UNC13C: variants seen among roughly 807,000 people sequenced by gnomAD.
UNC13C encodes the protein protein unc-13 homolog C.
UNC13C carries 174 observed loss-of-function variants against 245.4 expected under a neutral mutation model. The ratio of observed to expected loss-of-function variants is 0.71; its 90% CI spans 0.63 to 0.80. UNC13C has a LOEUF of 0.80. Among genes scored for constraint, UNC13C ranks in the 30% least tolerant of loss-of-function variants. The pLI is 0.00. For missense variants in UNC13C, 2,829 were observed against 2,602.9 expected, an observed-to-expected ratio of 1.09 and a Z score of -1.89; for synonymous variants, 992 against 895.1, an observed-to-expected ratio of 1.11 and a Z score of -1.93.
chr15:54,204,910 A>G (rs1284972382), intron 4 of UNC13C, among the ~76,000 whole-genome samples: 2 of 152,034 alleles, frequency 1.3e-5, no homozygotes, highest in Non-Finnish European at 2.9e-5. Context: ...GACCTACATC[A>G]TTACATATAA....
chr15:54,048,803 C>T (rs893580773), intron 2 of UNC13C: 11 of 242,710 alleles, frequency 4.5e-5, no homozygotes, highest in Non-Finnish European at 7.5e-5. Context: ...TTATAGTTAC[C>T]TGATTTCCAA....
the UNC13C span, among the ~76,000 whole-genome samples, chr15:53,875,890 A>G: frequency 6.6e-6 from 1 of 152,154 alleles, no homozygotes; most frequent in African/African-American, 2.4e-5. Context: ...GAGTTGTTTG[A>G]CTGACACTGA....
At chr15:54,461,805 A>G (rs1055024334) in intron 19 of UNC13C, among the ~76,000 whole-genome samples, 1 of 152,210 alleles carries the variant, frequency 6.6e-6, no homozygotes, top group Non-Finnish European at 1.5e-5. Context: ...TAAATGTGGT[A>G]GTGATAGATG....
At position 54,500,151 on chromosome 15, in the gene UNC13C, A is replaced by C. The variant is rs749903537; in HGVS notation, c.5133A>C (p.Ala1711=). The change falls in exon 21 of 33, where the codon GCA becomes GCC. Residue 1711 remains alanine, a synonymous_variant. Transcript: ENST00000260323. Reference sequence around the variant, plus strand: ...TGTCAATGGAATTCCTTCATGGAGCACTGGGAAGAGACAAAAAAGATGGAG... The same window carrying C: ...TGTCAATGGAATTCCTTCATGGAGCCCTGGGAAGAGACAAAAAAGATGGAG... ...EDVSMEFLHG[A]LGRDKKDGFQ... 6.2e-7 allele frequency: 1 copy of C among 1,611,018 alleles called. No individual in the cohort carries two copies. Among genetic ancestry groups the C allele is most frequent in the African/African-American group, 1.3e-5 (1 of 74,890 alleles).
At chr15:53,930,290 A>G in the UNC13C span, among the ~76,000 whole-genome samples, 2 of 152,144 alleles carry the variant, frequency 1.3e-5, no homozygotes, top group African/African-American at 4.8e-5. Context: ...AGTCCTCTCA[A>G]TGTCTAGACT....
intron 17 of UNC13C, among the ~76,000 whole-genome samples, chr15:54,390,649 T>C (rs1289236787): frequency 6.6e-6 from 1 of 152,138 alleles, no homozygotes; most frequent in Non-Finnish European, 1.5e-5. Flanking sequence ...CATAACATTA[T>C]TCATAGTAAT....
At chr15:54,277,698 A>T (rs2036868728) in intron 10 of UNC13C, among the ~76,000 whole-genome samples, 1 of 152,180 alleles carries the variant, frequency 6.6e-6, no homozygotes, top group Non-Finnish European at 1.5e-5. Flanking sequence ...TAAATATTTA[A>T]TTTTAAGCAA....
intron 19 of UNC13C, among the ~76,000 whole-genome samples, chr15:54,484,308 G>T (rs557144909): frequency 1.3e-5 from 2 of 152,214 alleles, no homozygotes; most frequent in Non-Finnish European, 2.9e-5. Flanking sequence ...CCTAGCCATG[G>T]TTATTGATTG....
intron 2 of UNC13C, among the ~76,000 whole-genome samples, chr15:54,021,142 G>C (rs1897037): frequency 0.43 from 64,777 of 151,908 alleles, 14,845 homozygotes; most frequent in East Asian, 0.53. Flanking sequence ...AAGATTCAAA[G>C]AAGCTAATTA....
chr15:54,630,600 G>A (rs1227391129), downstream of UNC13C: 1 of 152,032 alleles, frequency 6.6e-6, no homozygotes, highest in Admixed American at 6.6e-5. Context: ...TGGGCACACA[G>A]GCAAGAGACT....
chr15:54,570,975 C>A (rs1386781718), intron 30 of UNC13C, among the ~76,000 whole-genome samples: 1 of 152,190 alleles, frequency 6.6e-6, no homozygotes, highest in Non-Finnish European at 1.5e-5. Flanking sequence ...ACATTTGACA[C>A]TGGACATGCT....
rs1350088288 is a variant in UNC13C at position 54,082,945 on chromosome 15, C to T, written c.2984-60073C>T. 3.3e-5 allele frequency among the ~76,000 whole-genome samples: 5 copies of T among 152,152 alleles called. No individual in the cohort carries two copies. The East Asian group carries it at 9.6e-4, about 29-fold the overall frequency. ...ATATGAGCCCATACACCATCTCCTG[C>T]TGTGCTCCGGGTGTGGAGGTCTCAG... On this transcript the variant is annotated intron_variant, in intron 2 of 32. Coordinates refer to ENST00000260323, the MANE Select transcript of UNC13C (RefSeq NM_001080534.3).
intron 1 of UNC13C, among the ~76,000 whole-genome samples, chr15:54,008,605 A>G (rs550315752): frequency 2.0e-5 from 3 of 152,316 alleles, no homozygotes; most frequent in Non-Finnish European, 4.4e-5. Flanking sequence ...GAGCTTTGGA[A>G]TTCAAGTAGT....
chr15:53,997,830 T>A (rs1027853784), intron 1 of UNC13C, among the ~76,000 whole-genome samples: 6 of 152,142 alleles, frequency 3.9e-5, no homozygotes, highest in African/African-American at 1.4e-4. Flanking sequence ...TTTGAGACCA[T>A]CTCACTCTGT....
intron 5 of UNC13C, 78 bp downstream of exon 5, chr15:54,235,186 C>T: frequency 8.2e-7 from 1 of 1,213,482 alleles, no homozygotes; most frequent in Non-Finnish European, 1.2e-6. Context: ...CCTTCTCATT[C>T]ACTGTCTAGC....
intron 32 of UNC13C, among the ~76,000 whole-genome samples, chr15:54,625,848 A>T (rs985475385): frequency 6.6e-6 from 1 of 152,176 alleles, no homozygotes; most frequent in Non-Finnish European, 1.5e-5. Context: ...TGTTAGATAT[A>T]ACACAGTGAG....
rs138353942 is a variant in UNC13C, at chr15:54,055,839, G to A, written c.2983+39953G>A. Among the ~76,000 whole-genome samples, 589 of 152,198 alleles carry A rather than the reference G, an allele frequency of 3.9e-3. 6 individuals carry two copies. The highest frequency in any genetic ancestry group is 0.013 in the African/African-American group (557 of 41,532). On this transcript the variant is annotated intron_variant, in intron 2 of 32. Coordinates refer to ENST00000260323, the MANE Select transcript of UNC13C (RefSeq NM_001080534.3). ...CATGAAACTAAAATATATGTTTTGC[G>A]TCCAATGGGTACATTTATCATTGAC...
intron 10 of UNC13C, among the ~76,000 whole-genome samples, chr15:54,272,410 C>T (rs1329173536): frequency 6.6e-6 from 1 of 152,116 alleles, no homozygotes; most frequent in Non-Finnish European, 1.5e-5. Context: ...AAAATGACAG[C>T]CTGAACATAA....
At chr15:54,453,877 A>T (rs1891322903) in intron 19 of UNC13C, among the ~76,000 whole-genome samples, 1 of 152,152 alleles carries the variant, frequency 6.6e-6, no homozygotes, top group African/African-American at 2.4e-5. Flanking sequence ...CATTTAGTTT[A>T]TTCACAGTGT....
Sources: gnomAD v4.1 joint callset for allele counts (sites outside exome capture counted in the v4.1 genomes callset) on GRCh38, gnomAD v4.1.1 for gene constraint, MANE v1.5 for transcripts, NCBI Gene and HGNC (gene_info 2026-07-23, HGNC 2026-07-21) for gene names.